UROC1: variants seen among roughly 807,000 people sequenced by gnomAD.
UROC1 encodes urocanate hydratase.
In UROC1, 79 loss-of-function variants were observed where a neutral mutation model predicts 89.5. That is an observed-to-expected ratio of 0.88 (90% CI 0.74 to 1.06). The LOEUF is 1.06. Among genes scored for constraint, UROC1 ranks in the 50% least tolerant of loss-of-function variants. The probability of loss-of-function intolerance (pLI) is 0.00; values close to 1 mark genes in which losing one functional copy is unlikely to be tolerated. For missense variants in UROC1, 885 were observed against 907.8 expected (o/e 0.97, Z 0.32); for synonymous variants, 361 against 354.8 (o/e 1.02, Z -0.20).
At chr3:126,483,269 T>C in intron 19 of UROC1, 100 bp downstream of exon 19, 1 of 1,125,708 alleles carries the variant, frequency 8.9e-7, no homozygotes, top group Non-Finnish European at 1.3e-6. Context: ...CCGGCCCCCA[T>C]CCCCACACCC....
rs1436922098 is a variant in UROC1, at chr3:126,491,349, A to G, written c.1608+1069T>C. On this transcript the variant is annotated intron_variant, in intron 16 of 19. Transcript: ENST00000290868. Reference sequence around the variant, plus strand: ...GTTCTCTGCTGTGTCCCTGGTGGTTAGGACACGCTGCACAGTGGCCATGCT... The same window carrying G: ...GTTCTCTGCTGTGTCCCTGGTGGTTGGGACACGCTGCACAGTGGCCATGCT... 1.3e-5 allele frequency among the ~76,000 whole-genome samples: 2 copies of G among 152,212 alleles called. 1 individual carries two copies. Among genetic ancestry groups the G allele is most frequent in the Non-Finnish European group, 2.9e-5 (2 of 68,040 alleles).
intron 18 of UROC1, among the ~76,000 whole-genome samples, chr3:126,487,768 C>G (rs1417378423): frequency 1.3e-5 from 2 of 152,240 alleles, no homozygotes; most frequent in African/African-American, 4.8e-5. Context: ...CCCAGCCCAG[C>G]TGCCCTGGGA....
intron 1 of UROC1, among the ~76,000 whole-genome samples, chr3:126,514,153 A>T (rs1369968396): frequency 6.6e-6 from 1 of 152,188 alleles, no homozygotes; most frequent in Non-Finnish European, 1.5e-5. Flanking sequence ...CTCCTAGTAC[A>T]ACTCTTATTC....
chr3:126,510,944 C>G, intron 1 of UROC1, 150 bp from the exon 2 acceptor site: 1 of 1,264,206 alleles, frequency 7.9e-7, no homozygotes, highest in East Asian at 2.6e-5. Flanking sequence ...TCACCCCAGG[C>G]CCATCTACAG....
At chr3:126,489,469 G>A (rs532256507) in intron 16 of UROC1, 94 bp from the exon 17 acceptor site, 51 of 972,026 alleles carry the variant, frequency 5.2e-5, no homozygotes, top group South Asian at 4.0e-4. Flanking sequence ...ACCAGAACCC[G>A]CTGGATTTCT....
intron 5 of UROC1, 66 bp from the exon 6 acceptor site, chr3:126,507,869 G>A: frequency 6.2e-7 from 1 of 1,613,054 alleles, no homozygotes; most frequent in Non-Finnish European, 8.5e-7. Context: ...GAGCCCTGGG[G>A]ATGATGCACA....
chr3:126,508,978 G>A (rs1301361199), intron 3 of UROC1, among the ~76,000 whole-genome samples: 2 of 152,132 alleles, frequency 1.3e-5, no homozygotes, highest in Non-Finnish European at 2.9e-5. Context: ...TTTCAGCTCT[G>A]CTCCTTGCAT....
intron 18 of UROC1, among the ~76,000 whole-genome samples, chr3:126,487,352 T>C (rs1935541792): frequency 6.6e-6 from 1 of 152,224 alleles, no homozygotes; most frequent in Non-Finnish European, 1.5e-5. Flanking sequence ...AGCCCTTTTC[T>C]GCCCGGAGCT....
intron 4 of UROC1, 66 bp downstream of exon 4, chr3:126,508,350 C>A: frequency 6.5e-7 from 1 of 1,539,860 alleles, no homozygotes; most frequent in Non-Finnish European, 9.0e-7. Flanking sequence ...TTGTAAGCTC[C>A]TAGGCCAGAG....
intron 18 of UROC1, among the ~76,000 whole-genome samples, chr3:126,484,617 C>G (rs1048474818): frequency 2.0e-5 from 3 of 152,216 alleles, no homozygotes; most frequent in South Asian, 2.1e-4. Context: ...CACCAGGAAG[C>G]CAGTGAGAGG....
At chr3:126,488,958 G>A (rs1935581635) in intron 17 of UROC1, among the ~76,000 whole-genome samples, 2 of 152,198 alleles carry the variant, frequency 1.3e-5, no homozygotes, top group Admixed American at 1.3e-4. Context: ...CAGCTATGAA[G>A]ATGGGGAAGA....
chr3:126,491,071 C>G (rs941934668), intron 16 of UROC1, among the ~76,000 whole-genome samples: 18 of 152,166 alleles, frequency 1.2e-4, no homozygotes, highest in Non-Finnish European at 2.4e-4. Flanking sequence ...GTCTGCCTTT[C>G]CCACCTTCAA....
Position 126,505,992 on chromosome 3 carries a change from C to T in UROC1, c.622G>A (p.Gly208Ser), listed in dbSNP as rs750223105. ...GVTMYGQMTA[G>S]SYCYIGPQGI... ...TGGGGACCGATGTAGCAGTAGCTAC[C>T]TGCTGTCATCTGGCCGTACCTGACC... The change falls in exon 7 of 20, where the codon GGT (glycine) becomes AGT (serine). Residue 208 changes from glycine to serine, a missense_variant. Physicochemically the swap from Gly to Ser is moderately conservative, Grantham distance 56. Coordinates refer to ENST00000290868, the MANE Select transcript of UROC1 (RefSeq NM_144639.3). 1 of 1,613,514 alleles carries T rather than the reference C, an allele frequency of 6.2e-7. No individual in the cohort carries two copies.
At chr3:126,513,764 G>A (rs977437953) in intron 1 of UROC1, among the ~76,000 whole-genome samples, 1 of 152,134 alleles carries the variant, frequency 6.6e-6, no homozygotes, top group Non-Finnish European at 1.5e-5. Context: ...ACCCCTCTGG[G>A]ACCTCCATAG....
At chr3:126,490,676 A>T (rs1341902427) in intron 16 of UROC1, among the ~76,000 whole-genome samples, 1 of 152,102 alleles carries the variant, frequency 6.6e-6, no homozygotes, top group Non-Finnish European at 1.5e-5. Flanking sequence ...CTCCAAAAAA[A>T]AAAAAAGAGG....
At chr3:126,485,197 T>C (rs1196684849) in intron 18 of UROC1, among the ~76,000 whole-genome samples, 6 of 152,254 alleles carry the variant, frequency 3.9e-5, no homozygotes, top group African/African-American at 1.4e-4. Flanking sequence ...ACATGAATAG[T>C]GTAGAAGGCC....
chr3:126,487,630 C>G (rs1326931802), intron 18 of UROC1, among the ~76,000 whole-genome samples: 1 of 152,206 alleles, frequency 6.6e-6, no homozygotes, highest in African/African-American at 2.4e-5. Flanking sequence ...CTTGCTGCTC[C>G]CCGCAGCCCA....
intron 14 of UROC1, among the ~76,000 whole-genome samples, chr3:126,497,850 A>G (rs543555183): frequency 6.6e-6 from 1 of 152,328 alleles, no homozygotes; most frequent in Admixed American, 6.5e-5. Context: ...ACACTTGGGG[A>G]CCAGGATCTT....
chr3:126,490,669 CAA>C (rs1218674342), intron 16 of UROC1, among the ~76,000 whole-genome samples: 25 of 127,970 alleles, frequency 2.0e-4, no homozygotes, highest in Admixed American at 2.4e-4. Flanking sequence ...AGTCTTTCTC[CAA>C]AAAAAAAAAA....
Sources: gnomAD v4.1 joint callset for allele counts (sites outside exome capture counted in the v4.1 genomes callset) on GRCh38, gnomAD v4.1.1 for gene constraint, MANE v1.5 for transcripts, NCBI Gene and HGNC (gene_info 2026-07-23, HGNC 2026-07-21) for gene names.